Variants in CLSTN2 observed in about 807,000 individuals in gnomAD.
The protein encoded by CLSTN2 is calsyntenin-2.
CLSTN2 carries 48 observed loss-of-function variants against 101.2 expected under a neutral mutation model. That is an observed-to-expected ratio of 0.47 (90% CI 0.38 to 0.60). The LOEUF is 0.60. Among genes scored for constraint, CLSTN2 ranks in the 20% least tolerant of loss-of-function variants. The pLI, the probability that CLSTN2 is intolerant of heterozygous loss-of-function variation, is 0.00. For synonymous variants in CLSTN2, 481 were observed against 463.6 expected, an observed-to-expected ratio of 1.04 and a Z score of -0.48; for missense variants, 1,160 against 1,238.2, an observed-to-expected ratio of 0.94 and a Z score of 0.95.
At chr3:140,168,548 C>CT (rs1283808041) in intron 1 of CLSTN2, among the ~76,000 whole-genome samples, 2 of 151,458 alleles carry the variant, frequency 1.3e-5, no homozygotes, top group African/African-American at 4.8e-5. Flanking sequence ...ATGGGGCATG[C>CT]TTTTTTTTGG....
At chr3:140,494,757 T>TA (rs1934426878) in intron 8 of CLSTN2, among the ~76,000 whole-genome samples, 1 of 152,190 alleles carries the variant, frequency 6.6e-6, no homozygotes, top group Non-Finnish European at 1.5e-5. Context: ...GATAATGGCT[T>TA]TTAGCTCCAT....
intron 2 of CLSTN2, among the ~76,000 whole-genome samples, chr3:140,251,639 T>TTTC (rs397760342): frequency 5.4e-4 from 80 of 148,968 alleles, no homozygotes; most frequent in African/African-American, 9.2e-4. Context: ...TTTCCTTTCC[T>TTTC]CTTTTTGCTT....
At chr3:140,370,204 C>T (rs927874079) in intron 2 of CLSTN2, among the ~76,000 whole-genome samples, 11 of 152,186 alleles carry the variant, frequency 7.2e-5, no homozygotes, top group African/African-American at 2.7e-4. Context: ...CAATTACTCA[C>T]CATTGAGGCC....
intron 2 of CLSTN2, among the ~76,000 whole-genome samples, chr3:140,363,856 G>A (rs2087756045): frequency 2.0e-5 from 3 of 152,178 alleles, no homozygotes; most frequent in Admixed American, 2.0e-4. Context: ...AGACCAAGTG[G>A]GTTACTCTGG....
chr3:139,960,039 C>A (rs765459908), intron 1 of CLSTN2, among the ~76,000 whole-genome samples: 80 of 152,190 alleles, frequency 5.3e-4, no homozygotes, highest in Non-Finnish European at 1.5e-4. Context: ...TACTTTACCT[C>A]CCAAATCCAC....
At chr3:140,560,207 G>A (rs958704757) in intron 12 of CLSTN2, among the ~76,000 whole-genome samples, 3 of 152,186 alleles carry the variant, frequency 2.0e-5, no homozygotes, top group Admixed American at 2.0e-4. Context: ...TTGTTGGAAT[G>A]GTCATTACTA....
intron 1 of CLSTN2, among the ~76,000 whole-genome samples, chr3:140,059,217 G>A (rs2008154067): frequency 6.6e-6 from 1 of 152,238 alleles, no homozygotes. Flanking sequence ...GATTAAGTGA[G>A]CAAATGCACA....
intron 1 of CLSTN2, among the ~76,000 whole-genome samples, chr3:139,992,063 A>C (rs1936124258): frequency 6.6e-6 from 1 of 152,196 alleles, no homozygotes; most frequent in Admixed American, 6.5e-5. Context: ...TCCAAAGAAA[A>C]ATAGGATACC....
rs371985833 is a variant in CLSTN2, at chr3:139,961,633, G to A, written c.109+26150G>A. On this transcript the variant is annotated intron_variant, in intron 1 of 16. Transcript: ENST00000458420. ...ACATTTCTACATTTTCACAGGGCAAGGATTGAAGAAATGCAATCTGTTTTT... is the reference window on the plus strand; with the variant it reads ...ACATTTCTACATTTTCACAGGGCAAAGATTGAAGAAATGCAATCTGTTTTT... 7.9e-5 allele frequency among the ~76,000 whole-genome samples: 12 copies of A among 152,280 alleles called. No individual in the cohort carries two copies. The South Asian group carries it at 2.5e-3, about 32-fold the overall frequency.
intron 1 of CLSTN2, among the ~76,000 whole-genome samples, chr3:140,171,988 A>G (rs377356862): frequency 1.4e-5 from 2 of 146,814 alleles, no homozygotes; most frequent in South Asian, 2.1e-4. Context: ...ATTTTTAACC[A>G]TATAATCACC....
intron 1 of CLSTN2, among the ~76,000 whole-genome samples, chr3:139,954,446 G>T (rs1239950741): frequency 6.6e-6 from 1 of 152,170 alleles, no homozygotes; most frequent in Non-Finnish European, 1.5e-5. Context: ...GCCTGGCAGT[G>T]GTGGTGATTT....
chr3:139,972,122 G>A (rs1162577679), intron 1 of CLSTN2, among the ~76,000 whole-genome samples: 12 of 152,224 alleles, frequency 7.9e-5, no homozygotes, highest in Admixed American at 7.2e-4. Flanking sequence ...AAATTAGCTG[G>A]GTGTGGTGGC....
At chr3:140,387,028 A>G (rs2088060463) in intron 2 of CLSTN2, among the ~76,000 whole-genome samples, 1 of 152,170 alleles carries the variant, frequency 6.6e-6, no homozygotes. Flanking sequence ...ACACCCAACC[A>G]ACTTTACGGC....
At chr3:140,163,015 C>G (rs991671148) in intron 1 of CLSTN2, among the ~76,000 whole-genome samples, 1 of 152,128 alleles carries the variant, frequency 6.6e-6, no homozygotes, top group African/African-American at 2.4e-5. Flanking sequence ...ACTATCCTAT[C>G]AAATCTTCTC....
intron 2 of CLSTN2, among the ~76,000 whole-genome samples, chr3:140,380,194 A>G (rs2087963763): frequency 6.6e-6 from 1 of 152,228 alleles, no homozygotes; most frequent in Non-Finnish European, 1.5e-5. Context: ...GGCTTGAGGA[A>G]TGCCCAAAAA....
At position 140,503,276 on chromosome 3, in the gene CLSTN2, T is replaced by C. The variant is rs972777414; in HGVS notation, c.1345-29048T>C. Among the ~76,000 whole-genome samples, 10 of 152,202 alleles carry C rather than the reference T, an allele frequency of 6.6e-5. 1 individual carries two copies. The highest frequency in any genetic ancestry group is 5.9e-4 in the Admixed American group (9 of 15,280). ...CATGTGCCACATAATCACATTTCAGTCAATGATAGACTGCATATAGGAAGG... is the reference window on the plus strand; with the variant it reads ...CATGTGCCACATAATCACATTTCAGCCAATGATAGACTGCATATAGGAAGG... On this transcript the variant is annotated intron_variant, in intron 8 of 16. Transcript: ENST00000458420.
intron 2 of CLSTN2, among the ~76,000 whole-genome samples, chr3:140,198,242 A>G (rs760171507): frequency 3.3e-5 from 5 of 152,236 alleles, no homozygotes; most frequent in Non-Finnish European, 2.9e-5. Flanking sequence ...TCCACAGTCC[A>G]GCTGCATACT....
intron 1 of CLSTN2, among the ~76,000 whole-genome samples, chr3:139,963,354 C>T (rs1935542536): frequency 1.3e-5 from 2 of 152,098 alleles, no homozygotes; most frequent in South Asian, 4.1e-4. Context: ...CTCTTCAGTA[C>T]TTTATAATGA....
At chr3:140,077,878 A>ATT (rs1415931901) in intron 1 of CLSTN2, among the ~76,000 whole-genome samples, 1 of 99,614 alleles carries the variant, frequency 1.0e-5, no homozygotes, top group Non-Finnish European at 1.9e-5. Context: ...TTGATAATTT[A>ATT]TATGAACTCT....
Sources: allele counts gnomAD v4.1 joint callset (sites outside exome capture counted in the v4.1 genomes callset), GRCh38; gene constraint gnomAD v4.1.1; transcripts MANE v1.5; gene names NCBI Gene and HGNC (gene_info 2026-07-23, HGNC 2026-07-21).